KCNIP4: variants seen among roughly 807,000 people sequenced by gnomAD.
KCNIP4 encodes the protein Kv channel-interacting protein 4.
Under a neutral mutation model 34.0 loss-of-function variants are expected in KCNIP4, and 12 were observed. That is an observed-to-expected ratio of 0.35 (90% confidence interval 0.23 to 0.57). The LOEUF is 0.57. Among genes scored for constraint, KCNIP4 ranks in the 20% least tolerant of loss-of-function variants. The pLI, the probability that KCNIP4 is intolerant of heterozygous loss-of-function variation, is 0.83. For missense variants in KCNIP4, 238 were observed against 311.7 expected (o/e 0.76, Z 1.78); for synonymous variants, 124 against 102.2 (o/e 1.21, Z -1.29).
chr4:20,840,991 T>A lies in KCNIP4; in HGVS notation c.288+9552A>T, dbSNP rs570620807. ...TTGCAAGGGAATCAAAGGAAGTTCTTCATTACCATTTGAGATTGCTCTTAA... is the reference window on the plus strand; with the variant it reads ...TTGCAAGGGAATCAAAGGAAGTTCTACATTACCATTTGAGATTGCTCTTAA... On this transcript the variant is annotated intron_variant, in intron 3 of 8. Coordinates refer to ENST00000382152, the MANE Select transcript of KCNIP4 (RefSeq NM_025221.6). Among the ~76,000 whole-genome samples the A allele has an allele frequency of 2.0e-5, 3 of 152,348 alleles. No homozygotes were observed. In the South Asian group the frequency reaches 6.2e-4, roughly 32 times the overall value.
intron 3 of KCNIP4, among the ~76,000 whole-genome samples, chr4:20,833,038 C>G (rs991334687): frequency 1.3e-5 from 2 of 152,216 alleles, no homozygotes; most frequent in African/African-American, 4.8e-5. Flanking sequence ...GGTCCAGGCT[C>G]TGTCACCAAA....
chr4:21,589,745 G>C (rs973028667), intron 1 of KCNIP4, among the ~76,000 whole-genome samples: 2 of 151,794 alleles, frequency 1.3e-5, no homozygotes, highest in Non-Finnish European at 2.9e-5. Flanking sequence ...ATTAAAAACT[G>C]TCCCCCCTTC....
At chr4:21,048,944 C>CTTTTTTTTT (rs949548104) in intron 1 of KCNIP4, among the ~76,000 whole-genome samples, 32 of 96,044 alleles carry the variant, frequency 3.3e-4, no homozygotes, top group African/African-American at 8.4e-4. Flanking sequence ...TTCTGTTTAT[C>CTTTTTTTTT]TTTTTTTTTT....
At chr4:21,475,820 C>T (rs1237900594) in intron 1 of KCNIP4, among the ~76,000 whole-genome samples, 1 of 152,010 alleles carries the variant, frequency 6.6e-6, no homozygotes, top group African/African-American at 2.4e-5. Flanking sequence ...TATTTTTCAC[C>T]CATTCTGGAT....
intron 1 of KCNIP4, among the ~76,000 whole-genome samples, chr4:21,808,174 C>T (rs1320758229): frequency 2.0e-5 from 3 of 152,004 alleles, no homozygotes; most frequent in South Asian, 4.1e-4. Context: ...TTGTCACATC[C>T]CAACATGGAA....
At chr4:21,674,637 A>C (rs1179720207) in intron 1 of KCNIP4, among the ~76,000 whole-genome samples, 2 of 152,176 alleles carry the variant, frequency 1.3e-5, no homozygotes, top group Non-Finnish European at 2.9e-5. Context: ...CTTACCCAAC[A>C]AATCAAGAAG....
At chr4:21,147,595 AG>A (rs1371708478) in intron 1 of KCNIP4, among the ~76,000 whole-genome samples, 1 of 152,184 alleles carries the variant, frequency 6.6e-6, no homozygotes, top group African/African-American at 2.4e-5. Context: ...TTTCAAAAAT[AG>A]ATTTATGACA....
intron 1 of KCNIP4, among the ~76,000 whole-genome samples, chr4:21,401,306 G>C (rs1577306189): frequency 6.6e-6 from 1 of 152,138 alleles, no homozygotes; most frequent in East Asian, 1.9e-4. Flanking sequence ...ATCTCATTTG[G>C]ATATTTCTCA....
intron 5 of KCNIP4, among the ~76,000 whole-genome samples, chr4:20,738,532 C>T (rs975608344): frequency 1.3e-5 from 2 of 152,136 alleles, no homozygotes; most frequent in African/African-American, 4.8e-5. Flanking sequence ...GAATCACTGG[C>T]CTACAGCACT....
intron 1 of KCNIP4, among the ~76,000 whole-genome samples, chr4:21,011,112 T>A (rs1306891742): frequency 6.6e-6 from 1 of 152,176 alleles, no homozygotes; most frequent in African/African-American, 2.4e-5. Context: ...TTGGGGGCAG[T>A]GAGAGAGGAG....
intron 1 of KCNIP4, among the ~76,000 whole-genome samples, chr4:21,700,396 C>A (rs138452540): frequency 6.6e-6 from 1 of 152,082 alleles, no homozygotes; most frequent in Admixed American, 6.6e-5. Context: ...TTTTGATAAA[C>A]GCCTGTTCAG....
At chr4:21,887,348 G>C (rs1726835599) in intron 1 of KCNIP4, among the ~76,000 whole-genome samples, 1 of 152,026 alleles carries the variant, frequency 6.6e-6, no homozygotes, top group African/African-American at 2.4e-5. Flanking sequence ...CACTTGGAGG[G>C]GCGCAGAAAG....
intron 1 of KCNIP4, among the ~76,000 whole-genome samples, chr4:21,495,587 A>T (rs114438202): frequency 0.016 from 2,358 of 150,354 alleles, 59 homozygotes; most frequent in African/African-American, 0.055. Flanking sequence ...TTAAACACTT[A>T]CCTTTTTTTT....
chr4:21,780,645 A>G (rs6448079), intron 1 of KCNIP4, among the ~76,000 whole-genome samples: 97,520 of 152,004 alleles, frequency 0.64, 32,409 homozygotes, highest in Non-Finnish European at 0.73. Context: ...AGCAGTGGCA[A>G]CCTGACAGGT....
chr4:21,040,054 T>C (rs542696861), intron 1 of KCNIP4, among the ~76,000 whole-genome samples: 3 of 152,068 alleles, frequency 2.0e-5, no homozygotes, highest in Non-Finnish European at 4.4e-5. Context: ...CAGACACTTA[T>C]AAACCATCAG....
chr4:21,520,590 A>T (rs1285225856), intron 1 of KCNIP4, among the ~76,000 whole-genome samples: 1 of 152,126 alleles, frequency 6.6e-6, no homozygotes, highest in Non-Finnish European at 1.5e-5. Context: ...TAAGAAGTGA[A>T]CTCAGAACTT....
At chr4:20,771,204 C>CAT (rs1022687889) in intron 3 of KCNIP4, among the ~76,000 whole-genome samples, 34 of 151,886 alleles carry the variant, frequency 2.2e-4, no homozygotes, top group African/African-American at 7.2e-4. Context: ...CACATATGTT[C>CAT]ATATATATAT....
At chr4:21,089,309 C>A (rs1746766411) in intron 1 of KCNIP4, among the ~76,000 whole-genome samples, 1 of 152,192 alleles carries the variant, frequency 6.6e-6, no homozygotes, top group African/African-American at 2.4e-5. Flanking sequence ...CTTCCTCCTT[C>A]TCTGGCCGTG....
intron 1 of KCNIP4, among the ~76,000 whole-genome samples, chr4:21,027,586 ATAT>A (rs1301313841): frequency 6.7e-6 from 1 of 148,898 alleles, no homozygotes; most frequent in Admixed American, 6.7e-5. Flanking sequence ...ATAAATATAT[ATAT>A]TATAGATACA....
Sources: gnomAD v4.1 joint callset for allele counts (sites outside exome capture counted in the v4.1 genomes callset) on GRCh38, gnomAD v4.1.1 for gene constraint, MANE v1.5 for transcripts, NCBI Gene and HGNC (gene_info 2026-07-23, HGNC 2026-07-21) for gene names.